Variants in GPR176 observed in about 807,000 individuals in gnomAD.
GPR176 encodes the protein G-protein coupled receptor 176.
A neutral mutation model predicts 35.4 loss-of-function variants in GPR176; 26 were observed. The ratio of observed to expected loss-of-function variants is 0.74; its 90% CI spans 0.54 to 1.02. The LOEUF is 1.02. Ranked by LOEUF, GPR176 falls within the 50% of genes least tolerant of loss-of-function variation. The pLI is 0.00. For synonymous variants in GPR176, 278 were observed against 271.3 expected, an observed-to-expected ratio of 1.02 and a Z score of -0.24; for missense variants, 597 against 665.3, an observed-to-expected ratio of 0.90 and a Z score of 1.13.
At chr15:39,857,737 G>T (rs1473582479) in intron 1 of GPR176, among the ~76,000 whole-genome samples, 1 of 152,088 alleles carries the variant, frequency 6.6e-6, no homozygotes, top group Non-Finnish European at 1.5e-5. Flanking sequence ...GGAAGGCCAA[G>T]GCGGGCGGAT....
At chr15:39,863,900 C>T (rs928824249) in intron 1 of GPR176, among the ~76,000 whole-genome samples, 38 of 152,224 alleles carry the variant, frequency 2.5e-4, no homozygotes, top group Non-Finnish European at 5.0e-4. Context: ...CAAAATGTAT[C>T]CCCATGGTTA....
intron 1 of GPR176, among the ~76,000 whole-genome samples, chr15:39,905,502 T>C (rs958461615): frequency 2.0e-5 from 3 of 148,672 alleles, no homozygotes; most frequent in Admixed American, 6.7e-5. Flanking sequence ...CACATAACAG[T>C]GGGAGGATTG....
At chr15:39,857,602 C>A (rs1158688034) in intron 1 of GPR176, among the ~76,000 whole-genome samples, 1 of 151,762 alleles carries the variant, frequency 6.6e-6, no homozygotes, top group Non-Finnish European at 1.5e-5. Context: ...CCAGGGAGGT[C>A]CAGGCTGCAG....
Position 39,814,262 on chromosome 15 carries a change from T to C in GPR176, c.173-7004A>G, listed in dbSNP as rs999655348. ...TTATGTCAGACCTCATTCTATTGAT[T>C]ATATCTCTTAACCACTCATTCTTAT... On this transcript the variant is annotated intron_variant, in intron 1 of 2. Coordinates refer to ENST00000561100, the MANE Select transcript of GPR176 (RefSeq NM_007223.3). 3.9e-5 allele frequency among the ~76,000 whole-genome samples: 6 copies of C among 152,236 alleles called. No individual in the cohort carries two copies. In the East Asian group the frequency reaches 7.7e-4, roughly 20 times the overall value.
chr15:39,852,128 A>C (rs2030916194), intron 1 of GPR176, among the ~76,000 whole-genome samples: 1 of 152,202 alleles, frequency 6.6e-6, no homozygotes, highest in Non-Finnish European at 1.5e-5. Context: ...CAGAAAAGAA[A>C]AAAAGAATGA....
At chr15:39,822,493 C>G (rs1227324188) in intron 1 of GPR176, among the ~76,000 whole-genome samples, 2 of 152,122 alleles carry the variant, frequency 1.3e-5, no homozygotes, top group East Asian at 3.8e-4. Context: ...TTTTGCTGAT[C>G]ATCATGAAAC....
chr15:39,892,074 T>C (rs561371733), intron 1 of GPR176, among the ~76,000 whole-genome samples: 3 of 152,284 alleles, frequency 2.0e-5, no homozygotes, highest in Admixed American at 6.5e-5. Context: ...AAAATAATTA[T>C]TGAGCACATA....
intron 1 of GPR176, among the ~76,000 whole-genome samples, chr15:39,899,040 C>T (rs1209256760): frequency 6.6e-6 from 1 of 152,166 alleles, no homozygotes; most frequent in Non-Finnish European, 1.5e-5. Context: ...ACCTAAAACA[C>T]CAAGTCTTCT....
chr15:39,914,278 C>T (rs2033664631), intron 1 of GPR176, among the ~76,000 whole-genome samples: 1 of 151,358 alleles, frequency 6.6e-6, no homozygotes, highest in Non-Finnish European at 1.5e-5. Flanking sequence ...CACCTCCTGC[C>T]TCCTTAGGCA....
At chr15:39,916,594 A>G (rs1273947847) in intron 1 of GPR176, among the ~76,000 whole-genome samples, 2 of 152,226 alleles carry the variant, frequency 1.3e-5, no homozygotes, top group South Asian at 2.1e-4. Flanking sequence ...GTCCTCTGGA[A>G]ATCCCAATAA....
chr15:39,874,312 A>G (rs2032159764), intron 1 of GPR176, among the ~76,000 whole-genome samples: 1 of 152,228 alleles, frequency 6.6e-6, no homozygotes, highest in Non-Finnish European at 1.5e-5. Flanking sequence ...GACATCTCAC[A>G]TGGATGATCT....
Position 39,900,632 on chromosome 15 carries a change from G to A in GPR176, c.172+19223C>T, listed in dbSNP as rs1243112163. Among the ~76,000 whole-genome samples the A allele has an allele frequency of 2.0e-5, 3 of 152,228 alleles. No individual in the cohort carries two copies. The South Asian group carries it at 6.2e-4, about 32-fold the overall frequency. On this transcript the variant is annotated intron_variant, in intron 1 of 2. Coordinates refer to ENST00000561100, the MANE Select transcript of GPR176 (RefSeq NM_007223.3). ...CAAACAGCCCTCAATTGGTCCTTCT[G>A]ATCACCCACTTGCCCCCTCTGTTCT...
rs149135255 is a variant in GPR176 at position 39,841,811 on chromosome 15, G to A, written c.173-34553C>T. Among the ~76,000 whole-genome samples the A allele has an allele frequency of 3.2e-3, 494 of 152,258 alleles. 2 individuals carry two copies. The highest frequency in any genetic ancestry group is 0.017 in the Middle Eastern group (5 of 294). On this transcript the variant is annotated intron_variant, in intron 1 of 2. Coordinates refer to ENST00000561100, the MANE Select transcript of GPR176 (RefSeq NM_007223.3). ...CATTTTGACAAAATGATAGGTTTAC[G>A]AGGCTACATGACCAAATGTGGCTTA...
intron 1 of GPR176, among the ~76,000 whole-genome samples, chr15:39,826,409 C>CTGGAGTAAGCA (rs1900654083): frequency 6.6e-6 from 1 of 152,062 alleles, no homozygotes; most frequent in Non-Finnish European, 1.5e-5. Context: ...AAAGACAGGA[C>CTGGAGTAAGCA]CCCAGGGGTG....
intron 1 of GPR176, among the ~76,000 whole-genome samples, chr15:39,895,674 A>G (rs2033091469): frequency 6.6e-6 from 1 of 152,146 alleles, no homozygotes; most frequent in Admixed American, 6.5e-5. Flanking sequence ...TTTTTAATGG[A>G]TGATGAGGGT....
chr15:39,882,951 G>C (rs1398768895), intron 1 of GPR176, among the ~76,000 whole-genome samples: 1 of 152,210 alleles, frequency 6.6e-6, no homozygotes, highest in Non-Finnish European at 1.5e-5. Context: ...AATGCAGTTA[G>C]TATCTGGATA....
chr15:39,867,325 G>GA (rs34780881), intron 1 of GPR176, among the ~76,000 whole-genome samples: 61,485 of 151,974 alleles, frequency 0.4, 12,506 homozygotes, highest in East Asian at 0.49. Context: ...TGGGACCACA[G>GA]AAAAGGAAAA....
At chr15:39,806,767 T>C (rs1703537168) in intron 2 of GPR176, among the ~76,000 whole-genome samples, 1 of 152,184 alleles carries the variant, frequency 6.6e-6, no homozygotes, top group African/African-American at 2.4e-5. Context: ...TGCCCCAGCA[T>C]CCTCACCATG....
intron 1 of GPR176, among the ~76,000 whole-genome samples, chr15:39,884,177 C>G (rs965493315): frequency 1.1e-4 from 16 of 152,228 alleles, no homozygotes; most frequent in African/African-American, 3.6e-4. Context: ...CCTAATCCCT[C>G]TGACTTTTGA....
Sources: gnomAD v4.1 joint callset for allele counts (sites outside exome capture counted in the v4.1 genomes callset) on GRCh38, gnomAD v4.1.1 for gene constraint, MANE v1.5 for transcripts, NCBI Gene and HGNC (gene_info 2026-07-23, HGNC 2026-07-21) for gene names.